Variants in STEAP4 observed in about 807,000 individuals in gnomAD.
STEAP4 encodes the protein metalloreductase STEAP4.
Under a neutral mutation model 43.6 loss-of-function variants are expected in STEAP4, and 36 were observed. The ratio of observed to expected loss-of-function variants is 0.83; its 90% CI spans 0.63 to 1.09. STEAP4 has a LOEUF of 1.09. STEAP4 is among the 50% of genes least tolerant of loss of function. The pLI, the probability that STEAP4 is intolerant of heterozygous loss-of-function variation, is 0.00. For missense variants in STEAP4, 495 were observed against 546.5 expected (o/e 0.91, Z 0.94); for synonymous variants, 191 against 196.7 (o/e 0.97, Z 0.24).
In STEAP4 at chr7:88,282,634, G is replaced by T. The variant is rs202109661; in HGVS notation, c.984+7C>A. 306 of 1,608,694 alleles carry T rather than the reference G, an allele frequency of 1.9e-4. 1 individual carries two copies. The highest frequency in any genetic ancestry group is 1.1e-5 in the South Asian group (1 of 90,738). On this transcript the variant is annotated splice_region_variant and intron_variant, in intron 3 of 4. Transcript: ENST00000380079. ...GAGCAGAAGAAAATATATAAGAAGA[G>T]ATTTACCTGGGTAACGGTTAAGTTT...
chr7:88,285,273 A>G (rs1482174201), intron 1 of STEAP4, among the ~76,000 whole-genome samples: 4 of 152,202 alleles, frequency 2.6e-5, no homozygotes, highest in Admixed American at 1.3e-4. Context: ...ACAATATGTA[A>G]CAAGATAGCA....
intron 1 of STEAP4, among the ~76,000 whole-genome samples, chr7:88,303,221 C>A (rs1262271476): frequency 6.8e-6 from 1 of 147,700 alleles, no homozygotes; most frequent in South Asian, 2.1e-4. Flanking sequence ...TCCAACCGGG[C>A]GCGGTGGCTC....
intron 1 of STEAP4, among the ~76,000 whole-genome samples, chr7:88,291,977 C>T (rs1173140620): frequency 6.6e-6 from 1 of 152,082 alleles, no homozygotes; most frequent in Non-Finnish European, 1.5e-5. Flanking sequence ...AGTGATCTCA[C>T]AAGGGTGTTT....
In STEAP4 at chr7:88,273,534, A is replaced by G. The variant is rs914239810; in HGVS notation, c.*5864T>C. On this transcript the variant is annotated 3_prime_UTR_variant, in exon 5 of 5. Transcript: ENST00000380079. ...TGTGTGTGTGTGTGTGTAACCCTAG[A>G]TTCTTCAACTAGTATTAAAGTACTA... The G allele has an allele frequency of 6.6e-6, 1 of 151,974 alleles. No homozygotes were observed. The highest frequency in any genetic ancestry group is 2.4e-5 in the African/African-American group (1 of 41,364). The allele number at this position is 151,974 out of a possible 1,614,324, so 9.4% of individuals were successfully genotyped here.
chr7:88,302,705 G>A (rs1184296690), intron 1 of STEAP4, among the ~76,000 whole-genome samples: 1 of 151,934 alleles, frequency 6.6e-6, no homozygotes, highest in Non-Finnish European at 1.5e-5. Context: ...TGTAATCCCA[G>A]CACTTCGGGA....
chr7:88,303,675 A>C (rs1029022477), intron 1 of STEAP4, among the ~76,000 whole-genome samples: 3 of 152,192 alleles, frequency 2.0e-5, no homozygotes, highest in African/African-American at 7.2e-5. Flanking sequence ...TACTTCCTTT[A>C]GTAGAATAGT....
rs1852507209 is a variant in STEAP4 at position 88,275,918 on chromosome 7, G to C, written c.*3480C>G. 2 of 152,126 alleles carry C rather than the reference G, an allele frequency of 1.3e-5. No homozygotes were observed. Among genetic ancestry groups the C allele is most frequent in the Non-Finnish European group, 2.9e-5 (2 of 68,030 alleles). 9.4% of individuals were successfully genotyped at this position (152,126 alleles called of 1,614,324 possible). On this transcript the variant is annotated 3_prime_UTR_variant, in exon 5 of 5. Transcript: ENST00000380079. ...GCTTCCAGCTTCCTCCAGGTTGTCA[G>C]TCCTCTCTTTATTTGTAAGTTTTAA...
rs878893019 is a variant in STEAP4, at chr7:88,275,586, G to A, written c.*3812C>T. 1 of 150,650 alleles carries A rather than the reference G, an allele frequency of 6.6e-6. No homozygotes were observed. Among genetic ancestry groups the A allele is most frequent in the South Asian group, 2.1e-4 (1 of 4,730 alleles). 9.3% of individuals were successfully genotyped at this position (150,650 alleles called of 1,614,324 possible). A position where few individuals can be genotyped will look rare whatever the true frequency, so the allele number is the denominator to read the frequency against. On this transcript the variant is annotated 3_prime_UTR_variant, in exon 5 of 5. Coordinates refer to ENST00000380079, the MANE Select transcript of STEAP4 (RefSeq NM_024636.4). Reference sequence around the variant, plus strand: ...GAAGTAGGACCCTGTAAGGCTATCTGTGGGCTCTCATGGGGTGTGTGTGTG... The same window carrying A: ...GAAGTAGGACCCTGTAAGGCTATCTATGGGCTCTCATGGGGTGTGTGTGTG...
At chr7:88,281,103 C>A in intron 3 of STEAP4, 24 bp from the exon 4 acceptor site, 1 of 1,510,802 alleles carries the variant, frequency 6.6e-7, no homozygotes, top group Non-Finnish European at 8.8e-7. Flanking sequence ...TAAGCAATTA[C>A]AAAACTACAT....
chr7:88,280,773 G>T, intron 4 of STEAP4, 142 bp downstream of exon 4: 2 of 803,524 alleles, frequency 2.5e-6, no homozygotes, highest in Non-Finnish European at 3.8e-6. Context: ...CAGGAATCTT[G>T]GCGAGTATTA....
In STEAP4 at chr7:88,288,201, G is replaced by A. The variant is rs141329546; in HGVS notation, c.-2-3930C>T. ...TATTTATTTTGTGAGACAGAGTTTC[G>A]TTCTCGTTGCCCAGGCTGGAGTGCA... On this transcript the variant is annotated intron_variant, in intron 1 of 4. Coordinates refer to ENST00000380079, the MANE Select transcript of STEAP4 (RefSeq NM_024636.4). Among the ~76,000 whole-genome samples, 1,208 of 152,170 alleles carry A rather than the reference G, an allele frequency of 7.9e-3. 24 individuals are homozygous for A. The highest frequency in any genetic ancestry group is 0.027 in the African/African-American group (1,130 of 41,524).
chr7:88,293,618 G>A (rs1852877373), intron 1 of STEAP4, among the ~76,000 whole-genome samples: 1 of 152,088 alleles, frequency 6.6e-6, no homozygotes, highest in African/African-American at 2.4e-5. Context: ...CATACATAGT[G>A]TAAGGTTTAG....
chr7:88,291,529 C>T (rs76444083), intron 1 of STEAP4, among the ~76,000 whole-genome samples: 23,104 of 150,820 alleles, frequency 0.15, 1,950 homozygotes, highest in Non-Finnish European at 0.2. Flanking sequence ...GATATATGCA[C>T]ACTCTCAACC....
chr7:88,283,549 T>C (rs1399040470), intron 2 of STEAP4: 1 of 529,798 alleles, frequency 1.9e-6, no homozygotes. Flanking sequence ...TCACCAAGTA[T>C]TAGTTTCTAG....
At position 88,302,951 on chromosome 7, in the gene STEAP4, CA is replaced by C. The variant is rs35493493; in HGVS notation, c.-3+3840del. Among the ~76,000 whole-genome samples the C allele has an allele frequency of 4.7e-3, 241 of 51,460 alleles. 1 individual carries two copies. The highest frequency in any genetic ancestry group is 0.024 in the Middle Eastern group (2 of 84). 33.8% of individuals were successfully genotyped at this position (51,460 alleles called of 152,430 possible). Reference sequence around the variant, plus strand: ...CCTGAGTGAAGGAGTGAGACTGTCTCAAAAAAAAAAAAAAAAAAAAAAAATT... The same window carrying C: ...CCTGAGTGAAGGAGTGAGACTGTCTCAAAAAAAAAAAAAAAAAAAAAAATT... On this transcript the variant is annotated intron_variant, in intron 1 of 4. Coordinates refer to ENST00000380079, the MANE Select transcript of STEAP4 (RefSeq NM_024636.4).
chr7:88,280,534 T>A (rs193102156), intron 4 of STEAP4, among the ~76,000 whole-genome samples: 1 of 152,344 alleles, frequency 6.6e-6, no homozygotes, highest in Admixed American at 6.5e-5. Context: ...GAGCATTAAG[T>A]CTTCCGGTGT....
At chr7:88,297,612 A>C (rs1563503533) in intron 1 of STEAP4, among the ~76,000 whole-genome samples, 1 of 152,182 alleles carries the variant, frequency 6.6e-6, no homozygotes, top group African/African-American at 2.4e-5. Context: ...GTGTTTTAAT[A>C]TGAAATTCAA....
Position 88,284,103 on chromosome 7 carries a change from G to T in STEAP4, c.167C>A (p.Thr56Asn), listed in dbSNP as rs1852681171. Reference protein sequence around the residue: ...VFGSRNPQKTTLLPSGAEVLS... With the variant: ...VFGSRNPQKTNLLPSGAEVLS... The stretch of plus-strand genomic sequence containing the variant: ...GACTTCTGCACCACTGGGCAGTAGG[G>T]TGGTCTTCTGGGGGTTTCGACTTCC... Residue 56 changes from threonine to asparagine, a missense_variant, in exon 2 of 5, where the codon ACC (threonine) becomes AAC (asparagine). Transcript: ENST00000380079. 6.2e-7 allele frequency: 1 copy of T among 1,614,116 alleles called. No homozygotes were observed. The highest frequency in any genetic ancestry group is 8.5e-7 in the Non-Finnish European group (1 of 1,180,020).
At position 88,275,822 on chromosome 7, in the gene STEAP4, C is replaced by G. The variant is rs1852505761; in HGVS notation, c.*3576G>C. The G allele has an allele frequency of 6.6e-6, 1 of 152,084 alleles. No individual in the cohort carries two copies. The highest frequency in any genetic ancestry group is 2.4e-5 in the African/African-American group (1 of 41,414). 9.4% of individuals were successfully genotyped at this position (152,084 alleles called of 1,614,324 possible). On this transcript the variant is annotated 3_prime_UTR_variant, in exon 5 of 5. Transcript: ENST00000380079. ...TCATGGCTCTTTTGTGATCCCTGAA[C>G]AATAGATGAATGAAGAGCTCCTGAA...
Sources: gnomAD v4.1 joint callset for allele counts (sites outside exome capture counted in the v4.1 genomes callset) on GRCh38, gnomAD v4.1.1 for gene constraint, MANE v1.5 for transcripts, NCBI Gene and HGNC (gene_info 2026-07-23, HGNC 2026-07-21) for gene names.